The following VPS35L variants were observed in gnomAD, a reference collection of about 807,000 sequenced individuals.
The protein encoded by VPS35L is VPS35 endosomal protein-sorting factor-like.
Under a neutral mutation model 133.0 loss-of-function variants are expected in VPS35L, and 83 were observed. The observed-to-expected ratio is 0.62, with a 90% CI of 0.52 to 0.75. VPS35L has a LOEUF of 0.75. Among genes scored for constraint, VPS35L ranks in the 30% least tolerant of loss-of-function variants. VPS35L has a pLI of 0.00. For missense variants in VPS35L, 1,083 were observed against 1,206.8 expected (o/e 0.90, Z 1.52); for synonymous variants, 423 against 449.9 (o/e 0.94, Z 0.76).
intron 28 of VPS35L, among the ~76,000 whole-genome samples, chr16:19,686,876 A>G (rs1975479225): frequency 6.6e-6 from 1 of 152,100 alleles, no homozygotes; most frequent in African/African-American, 2.4e-5. Flanking sequence ...TCCCAAGCAT[A>G]GATTTTAGTA....
chr16:19,580,712 C>T (rs1971681707), intron 6 of VPS35L, among the ~76,000 whole-genome samples: 1 of 152,108 alleles, frequency 6.6e-6, no homozygotes, highest in Non-Finnish European at 1.5e-5. Context: ...TTAACACCCC[C>T]ACACTCTGCA....
At chr16:19,611,148 C>T (rs557328481) in intron 12 of VPS35L, among the ~76,000 whole-genome samples, 220 of 152,134 alleles carry the variant, frequency 1.4e-3, no homozygotes, top group African/African-American at 5.2e-3. Context: ...TACAGGTGTC[C>T]GCCACCATGC....
intron 26 of VPS35L, among the ~76,000 whole-genome samples, chr16:19,666,878 TTCTTTCTTTC>T (rs1310680521): frequency 3.3e-5 from 3 of 91,004 alleles, no homozygotes; most frequent in African/African-American, 1.4e-4. Context: ...ATGTTTTTCT[TTCTTTCTTTC>T]TTTCTTTCTT....
chr16:19,574,152 T>A (rs1384424926), intron 4 of VPS35L, among the ~76,000 whole-genome samples: 1 of 152,214 alleles, frequency 6.6e-6, no homozygotes, highest in Non-Finnish European at 1.5e-5. Context: ...AAGAGTGACC[T>A]GTATCCCTCC....
At position 19,645,511 on chromosome 16, in the gene VPS35L, G is replaced by A. The variant is rs548806664; in HGVS notation, c.1929+562G>A. ...TCACTGTGTTAGCCAGGATGGTCTC[G>A]ATCTGCTGACCTCGTAATCCGCCCG... On this transcript the variant is annotated intron_variant, in intron 23 of 30. Coordinates refer to ENST00000417362, the MANE Select transcript of VPS35L (RefSeq NM_020314.7). 3.4e-3 allele frequency among the ~76,000 whole-genome samples: 525 copies of A among 152,176 alleles called. 1 individual carries two copies. The highest frequency in any genetic ancestry group is 0.012 in the African/African-American group (510 of 41,528).
At chr16:19,604,958 C>T (rs929387694) in intron 9 of VPS35L, among the ~76,000 whole-genome samples, 1 of 152,112 alleles carries the variant, frequency 6.6e-6, no homozygotes, top group African/African-American at 2.4e-5. Flanking sequence ...ATTTTATTTC[C>T]AGCTTGGGAG....
At chr16:19,682,456 T>C (rs1975318708) in intron 28 of VPS35L, 66 bp downstream of exon 28, 2 of 1,513,530 alleles carry the variant, frequency 1.3e-6, no homozygotes, top group Non-Finnish European at 1.8e-6. Context: ...CAGAATGCTT[T>C]CATTTTCTCT....
Position 19,647,800 on chromosome 16 carries a change from A to G in VPS35L, c.1946A>G (p.Asp649Gly), listed in dbSNP as rs750999584. The change falls in exon 24 of 31, where the codon GAT becomes GGT. Residue 649 changes from aspartate to glycine, a missense_variant. Transcript: ENST00000417362. ...TGATTCTAGGTTTCCTTTGGCCGTG[A>G]TTTTGAACAACAGCTGAGTTTTTAT... ...GFIKMVSFGR[D>G]FEQQLSFYVE... 5.0e-6 allele frequency: 8 copies of G among 1,613,908 alleles called. No individual in the cohort carries two copies. The highest frequency in any genetic ancestry group is 6.8e-6 in the Non-Finnish European group (8 of 1,180,002).
chr16:19,629,759 C>A lies in VPS35L; in HGVS notation c.1501-8C>A. 6.2e-7 allele frequency: 1 copy of A among 1,612,788 alleles called. No homozygotes were observed. The highest frequency in any genetic ancestry group is 1.1e-5 in the South Asian group (1 of 91,046). ...TTAATGTTAAGATGTTTTCCTTTCT[C>A]TTTGTAGGACTACATTAATTGTGCC... On this transcript the variant is annotated splice_region_variant and splice_polypyrimidine_tract_variant and intron_variant, in intron 17 of 30. Transcript: ENST00000417362.
At chr16:19,691,553 A>G in intron 29 of VPS35L, 82 bp downstream of exon 29, 1 of 1,093,736 alleles carries the variant, frequency 9.1e-7, no homozygotes, top group Non-Finnish European at 1.4e-6. Flanking sequence ...GGTTCATTCT[A>G]GAAAGGAAAC....
intron 7 of VPS35L, among the ~76,000 whole-genome samples, chr16:19,590,621 C>G (rs559269260): frequency 6.6e-6 from 1 of 152,106 alleles, no homozygotes; most frequent in Admixed American, 6.6e-5. Context: ...AAGTCCTGAA[C>G]GCTAAATAGC....
intron 8 of VPS35L, among the ~76,000 whole-genome samples, chr16:19,593,113 G>A (rs185515384): frequency 6.6e-6 from 1 of 152,170 alleles, no homozygotes; most frequent in South Asian, 2.1e-4. Flanking sequence ...CAGGTAGAAA[G>A]GTTTAGACTG....
chr16:19,610,241 GT>G, intron 11 of VPS35L, 80 bp from the exon 12 acceptor site: 2 of 1,214,124 alleles, frequency 1.6e-6, no homozygotes. Flanking sequence ...AATTTAGGAA[GT>G]CTTTATCTTT....
At chr16:19,618,920 T>G (rs1972984939) in intron 14 of VPS35L, among the ~76,000 whole-genome samples, 1 of 149,396 alleles carries the variant, frequency 6.7e-6, no homozygotes, top group Admixed American at 6.7e-5. Flanking sequence ...TTTGCCTATC[T>G]GTTTTTTTTT....
At chr16:19,564,764 A>G in intron 1 of VPS35L, 87 bp from the exon 2 acceptor site, 2 of 898,190 alleles carry the variant, frequency 2.2e-6, no homozygotes, top group South Asian at 1.4e-5. Flanking sequence ...GTTCTAAACT[A>G]CCTTGTCATT....
intron 28 of VPS35L, among the ~76,000 whole-genome samples, chr16:19,684,943 A>C (rs572326376): frequency 6.6e-6 from 1 of 152,126 alleles, no homozygotes; most frequent in African/African-American, 2.4e-5. Flanking sequence ...CTATAATCCC[A>C]GCTACTTGGA....
intron 8 of VPS35L, among the ~76,000 whole-genome samples, chr16:19,593,103 C>G (rs193138804): frequency 6.6e-6 from 1 of 152,270 alleles, no homozygotes; most frequent in Non-Finnish European, 1.5e-5. Flanking sequence ...CTTTTGGAGC[C>G]AGGTAGAAAG....
intron 1 of VPS35L, among the ~76,000 whole-genome samples, chr16:19,558,030 A>G (rs919537840): frequency 6.6e-6 from 1 of 152,070 alleles, no homozygotes; most frequent in Admixed American, 6.5e-5. Context: ...AGATCGTGCC[A>G]TTGCACTCCA....
intron 26 of VPS35L, among the ~76,000 whole-genome samples, chr16:19,665,200 G>A (rs1019131601): frequency 6.6e-6 from 1 of 152,130 alleles, no homozygotes; most frequent in Non-Finnish European, 1.5e-5. Context: ...TATTCTTTCA[G>A]TTATTTTTAA....
Sources: gnomAD v4.1 joint callset for allele counts (sites outside exome capture counted in the v4.1 genomes callset) on GRCh38, gnomAD v4.1.1 for gene constraint, MANE v1.5 for transcripts, NCBI Gene and HGNC (gene_info 2026-07-23, HGNC 2026-07-21) for gene names.